The following MACF1 variants were observed in gnomAD, a reference collection of about 807,000 sequenced individuals.
The protein encoded by MACF1 is microtubule-actin cross-linking factor 1.
MACF1 carries 193 observed loss-of-function variants against 854.8 expected under a neutral mutation model. That is an observed-to-expected ratio of 0.23 (90% CI 0.20 to 0.25). The LOEUF (loss-of-function observed/expected upper bound fraction) is 0.25, where lower values mean the gene tolerates loss of function less well. Ranked by LOEUF, MACF1 falls within the 10% of genes least tolerant of loss-of-function variation. The pLI is 1.00. For synonymous variants in MACF1, 3,185 were observed against 3,226.7 expected, an observed-to-expected ratio of 0.99 and a Z score of 0.44; for missense variants, 7,722 against 8,929.1, an observed-to-expected ratio of 0.86 and a Z score of 5.45.
At chr1:39,285,810 C>T in intron 14 of MACF1, 52 bp downstream of exon 14, 3 of 1,595,696 alleles carry the variant, frequency 1.9e-6, no homozygotes, top group East Asian at 2.2e-5. Flanking sequence ...TGCTGAGGCT[C>T]ATGGATCAAG....
At chr1:39,445,675 CAG>C (rs1644214991) in intron 80 of MACF1, among the ~76,000 whole-genome samples, 1 of 152,178 alleles carries the variant, frequency 6.6e-6, no homozygotes, top group Non-Finnish European at 1.5e-5. Context: ...AATTCTTGGA[CAG>C]AGTCAGACCT....
intron 2 of MACF1, among the ~76,000 whole-genome samples, chr1:39,170,485 G>A (rs571202789): frequency 2.5e-4 from 38 of 152,334 alleles, no homozygotes; most frequent in Non-Finnish European, 5.3e-4. Flanking sequence ...AGGTTATACT[G>A]TAGAGAAGGA....
At position 39,324,585 on chromosome 1, in the gene MACF1, A is replaced by G. The variant is rs912694450; in HGVS notation, c.4390-61A>G. The G allele has an allele frequency of 6.5e-6, 9 of 1,382,666 alleles. No individual in the cohort carries two copies. The African/African-American group carries it at 1.3e-4, about 20-fold the overall frequency. The allele number at this position is 1,382,666 out of a possible 1,614,324, so 85.6% of individuals were successfully genotyped here. On this transcript the variant is annotated intron_variant, in intron 34 of 100. Coordinates refer to ENST00000564288, the MANE Select transcript of MACF1 (RefSeq NM_001394062.1). Reference sequence around the variant, plus strand: ...CTAGGATTTAAAAAAATAATTTTAAATAATTTTTGACTCTTAATTCTTGGG... The same window carrying G: ...CTAGGATTTAAAAAAATAATTTTAAGTAATTTTTGACTCTTAATTCTTGGG...
chr1:39,204,020 TC>T (rs1644422482), upstream of MACF1, among the ~76,000 whole-genome samples: 2 of 152,208 alleles, frequency 1.3e-5, no homozygotes, highest in Non-Finnish European at 2.9e-5. Flanking sequence ...ATGCCTGTAA[TC>T]CCAGCACCTT....
At position 39,429,920 on chromosome 1, in the gene MACF1, T is replaced by C; in HGVS notation, c.16982T>C (p.Leu5661Ser). Residue 5661 changes from leucine (L) to serine (S), a missense_variant, in exon 65 of 101, where the codon TTA becomes TCA. Physicochemically the swap from Leu to Ser is moderately radical, Grantham distance 145. Around this residue, in one of 15 missense-constraint regions of MACF1, gnomAD observed 2,807 missense variants for 3,235.8 expected, o/e 0.87. Coordinates refer to ENST00000564288, the MANE Select transcript of MACF1 (RefSeq NM_001394062.1). ...TVTSSKALRT[L>S]EQARQLATKF... Reference sequence around the variant, plus strand: ...ACTAGCTCCAAGGCCCTCAGAACTTTAGAGCAAGCCCGGCAGCTGGCCACC... The same window carrying C: ...ACTAGCTCCAAGGCCCTCAGAACTTCAGAGCAAGCCCGGCAGCTGGCCACC... 1 of 1,614,142 alleles carries C rather than the reference T, an allele frequency of 6.2e-7. No homozygotes were observed. The highest frequency in any genetic ancestry group is 8.5e-7 in the Non-Finnish European group (1 of 1,180,028).
chr1:39,362,174 GC>G (rs1186769479), intron 49 of MACF1, among the ~76,000 whole-genome samples: 1 of 152,164 alleles, frequency 6.6e-6, no homozygotes, highest in African/African-American at 2.4e-5. Flanking sequence ...AAGTAAAACT[GC>G]CAAGTCATAG....
At position 39,385,561 on chromosome 1, in the gene MACF1, G is replaced by A. The variant is rs1233502891; in HGVS notation, c.13976G>A (p.Ser4659Asn). Residue 4659 changes from serine to asparagine, a missense_variant, in exon 57 of 101, where the codon AGC becomes AAC. Transcript: ENST00000564288. ...AGCCAAGTACAGAAAGAACTCCAGA[G>A]CATCAATCAGAAATGGGTTGAGCTG... Reference protein sequence around the residue: ...STSQVQKELQSINQKWVELTD... With the variant: ...STSQVQKELQNINQKWVELTD... 3.1e-6 allele frequency: 5 copies of A among 1,614,150 alleles called. No individual in the cohort carries two copies. Among genetic ancestry groups the A allele is most frequent in the Non-Finnish European group, 4.2e-6 (5 of 1,180,034 alleles).
chr1:39,336,821 G>A (rs71642681), intron 37 of MACF1, among the ~76,000 whole-genome samples, 168 bp downstream of exon 37: 11,701 of 152,238 alleles, frequency 0.077, 588 homozygotes, highest in Non-Finnish European at 0.11. Flanking sequence ...TCTGTTTGTA[G>A]CAAAGTTGTT....
At chr1:39,197,417 A>AT (rs1557512634) in intron 2 of MACF1, among the ~76,000 whole-genome samples, 1 of 152,048 alleles carries the variant, frequency 6.6e-6, no homozygotes, top group Non-Finnish European at 1.5e-5. Flanking sequence ...AGTACTTTGG[A>AT]TTTTTTCCCC....
chr1:39,341,770 G>A (rs1646940287), intron 40 of MACF1, among the ~76,000 whole-genome samples: 1 of 151,588 alleles, frequency 6.6e-6, no homozygotes, highest in South Asian at 2.1e-4. Flanking sequence ...TTCTCTGAGA[G>A]ACCATCTACT....
At chr1:39,318,027 A>G (rs1646446565) in intron 29 of MACF1, among the ~76,000 whole-genome samples, 1 of 152,232 alleles carries the variant, frequency 6.6e-6, no homozygotes, top group Middle Eastern at 3.4e-3. Context: ...AATAATGACT[A>G]TTTTTCACTT....
At chr1:39,185,065 G>A (rs916236725) in intron 2 of MACF1, among the ~76,000 whole-genome samples, 1 of 152,214 alleles carries the variant, frequency 6.6e-6, no homozygotes, top group Non-Finnish European at 1.5e-5. Flanking sequence ...GCCGAGGCAG[G>A]TGGATCACGA....
intron 21 of MACF1, chr1:39,299,113 C>T (rs1645985398): frequency 4.9e-6 from 2 of 404,660 alleles, no homozygotes; most frequent in African/African-American, 2.1e-5. Flanking sequence ...CAGAAATTGA[C>T]ATCTTATTGC....
Position 39,292,158 on chromosome 1 carries a change from G to A in MACF1, c.1914+120G>A. On this transcript the variant is annotated intron_variant, in intron 16 of 100. Transcript: ENST00000564288. ...TGCTCTGGAAAAGAATAATGATGATGAAGAGCGGTTTATGACAAATTCCCT... is the reference window on the plus strand; with the variant it reads ...TGCTCTGGAAAAGAATAATGATGATAAAGAGCGGTTTATGACAAATTCCCT... 8.5e-6 allele frequency: 10 copies of A among 1,181,884 alleles called. No homozygotes were observed. In the South Asian group the frequency reaches 1.7e-4, roughly 20 times the overall value. The allele number at this position is 1,181,884 out of a possible 1,614,324, so 73.2% of individuals were successfully genotyped here.
intron 2 of MACF1, among the ~76,000 whole-genome samples, chr1:39,151,981 TA>T (rs1250092713): frequency 6.6e-6 from 1 of 152,066 alleles, no homozygotes; most frequent in African/African-American, 2.4e-5. Flanking sequence ...ATATATTTTT[TA>T]TTTTTTTTTA....
chr1:39,199,046 C>T (rs1476454584), intron 2 of MACF1, among the ~76,000 whole-genome samples: 5 of 151,890 alleles, frequency 3.3e-5, no homozygotes, highest in Admixed American at 2.0e-4. Flanking sequence ...AGTGCAGTGG[C>T]GCGATCTCGG....
chr1:39,166,282 G>A (rs1643881238), intron 2 of MACF1, among the ~76,000 whole-genome samples: 1 of 152,004 alleles, frequency 6.6e-6, no homozygotes, highest in South Asian at 2.1e-4. Context: ...TCCCCAGGCT[G>A]ATCTTGAATT....
At chr1:39,208,987 C>A (rs529841741) in intron 1 of MACF1, among the ~76,000 whole-genome samples, 1 of 152,064 alleles carries the variant, frequency 6.6e-6, no homozygotes, top group Admixed American at 6.5e-5. Flanking sequence ...CGCAGTGGCT[C>A]ACACCTGTAA....
chr1:39,471,222 C>T (rs1224112032), intron 97 of MACF1, among the ~76,000 whole-genome samples: 1 of 151,938 alleles, frequency 6.6e-6, no homozygotes, highest in Non-Finnish European at 1.5e-5. Flanking sequence ...TGGTGCTAGG[C>T]GATGAACACC....
Sources: gnomAD v4.1 joint callset for allele counts (sites outside exome capture counted in the v4.1 genomes callset) on GRCh38, gnomAD v4.1.1 for gene constraint, gnomAD v4.1.1 regional missense constraint, MANE v1.5 for transcripts, NCBI Gene and HGNC (gene_info 2026-07-23, HGNC 2026-07-21) for gene names.